Variants in MICU1 observed in about 807,000 individuals in gnomAD.
The protein encoded by MICU1 is mitochondrial calcium uptake 1.
MICU1 carries 45 observed loss-of-function variants against 56.8 expected under a neutral mutation model. The observed-to-expected ratio is 0.79, with a 90% CI of 0.62 to 1.02. MICU1 has a LOEUF of 1.02. MICU1 is among the 50% of genes least tolerant of loss of function. The pLI, the probability that MICU1 is intolerant of heterozygous loss-of-function variation, is 0.00. For missense variants in MICU1, 504 were observed against 587.1 expected (o/e 0.86, Z 1.46); for synonymous variants, 186 against 195.1 (o/e 0.95, Z 0.39).
intron 1 of MICU1, among the ~76,000 whole-genome samples, chr10:72,616,389 C>T (rs193089570): frequency 1.3e-5 from 2 of 152,056 alleles, no homozygotes; most frequent in East Asian, 3.9e-4. Flanking sequence ...TAGGGCAAAA[C>T]CCTTAAGAGA....
intron 3 of MICU1, among the ~76,000 whole-genome samples, chr10:72,553,157 A>G (rs1840076614): frequency 6.6e-6 from 1 of 152,218 alleles, no homozygotes; most frequent in Non-Finnish European, 1.5e-5. Flanking sequence ...AGACATAGCT[A>G]CAAGTTTTGA....
At chr10:72,514,973 T>C (rs1243210330) in intron 5 of MICU1, among the ~76,000 whole-genome samples, 2 of 152,214 alleles carry the variant, frequency 1.3e-5, no homozygotes, top group African/African-American at 4.8e-5. Context: ...TAAATCTTTC[T>C]GACAAATGCT....
chr10:72,565,032 AC>A lies in MICU1; in HGVS notation c.161+1600del, dbSNP rs1840393152. Among the ~76,000 whole-genome samples the A allele has an allele frequency of 2.0e-5, 3 of 151,540 alleles. No homozygotes were observed. In the South Asian group the frequency reaches 6.3e-4, roughly 32 times the overall value. ...ATGGTGGCTCATGCCTGTAATCCCA[AC>A]ACTTTAGGAGGCTGAGGTGGGCAAG... On this transcript the variant is annotated intron_variant, in intron 2 of 11. Coordinates refer to ENST00000361114, the MANE Select transcript of MICU1 (RefSeq NM_001195518.2).
intron 5 of MICU1, among the ~76,000 whole-genome samples, chr10:72,527,366 TG>T (rs992179229): frequency 4.7e-5 from 7 of 150,420 alleles, no homozygotes; most frequent in Non-Finnish European, 7.4e-5. Flanking sequence ...CTTTTGTTTT[TG>T]TTTTGTTTTG....
At chr10:72,375,645 G>A in intron 11 of MICU1, 138 bp downstream of exon 11, 1 of 707,386 alleles carries the variant, frequency 1.4e-6, no homozygotes, top group Non-Finnish European at 2.2e-6. Context: ...AAGGGCTGAG[G>A]TGCTAATGTG....
At chr10:72,516,407 T>C (rs1867647412) in intron 5 of MICU1, among the ~76,000 whole-genome samples, 1 of 152,204 alleles carries the variant, frequency 6.6e-6, no homozygotes, top group South Asian at 2.1e-4. Flanking sequence ...TGATGATAGT[T>C]TCTTTTGCTG....
At chr10:72,623,708 C>T (rs748481530) in intron 1 of MICU1, among the ~76,000 whole-genome samples, 17 of 151,944 alleles carry the variant, frequency 1.1e-4, no homozygotes, top group Non-Finnish European at 1.9e-4. Flanking sequence ...AGATGTGGTG[C>T]CGCGCCTGTA....
Position 72,412,961 on chromosome 10 carries a change from C to T in MICU1, c.1072-4924G>A, listed in dbSNP as rs149590141. The stretch of plus-strand genomic sequence containing the variant: ...CCTGTAATCCCAGCACTTTGGGAGG[C>T]AAAGGCGGGCAGATCACTTGAGCCT... On this transcript the variant is annotated intron_variant, in intron 9 of 11. Transcript: ENST00000361114. Among the ~76,000 whole-genome samples the T allele has an allele frequency of 6.4e-3, 964 of 151,808 alleles. 8 individuals are homozygous for T. Among genetic ancestry groups the T allele is most frequent in the East Asian group, 0.034 (173 of 5,140 alleles).
intron 3 of MICU1, among the ~76,000 whole-genome samples, chr10:72,554,472 T>G (rs568359332): frequency 2.6e-5 from 4 of 152,340 alleles, no homozygotes; most frequent in African/African-American, 7.2e-5. Context: ...TGAATTGCAC[T>G]GAGAATAAGC....
intron 1 of MICU1, among the ~76,000 whole-genome samples, chr10:72,598,316 C>G (rs747443061): frequency 6.6e-6 from 1 of 151,800 alleles, no homozygotes; most frequent in Non-Finnish European, 1.5e-5. Context: ...ATTGCAGTGG[C>G]ATGATCTCGG....
At position 72,586,013 on chromosome 10, in the gene MICU1, CT is replaced by C. The variant is rs71021511; in HGVS notation, c.-1-19220del. ...GTTTTTATTTTTTCTTTTTTTTTTT[CT>C]TTTTTTTTTTTTTTTTTTGAGACAG... On this transcript the variant is annotated intron_variant, in intron 1 of 11. Coordinates refer to ENST00000361114, the MANE Select transcript of MICU1 (RefSeq NM_001195518.2). 9.9e-3 allele frequency among the ~76,000 whole-genome samples: 736 copies of C among 74,656 alleles called. 8 individuals are homozygous for C. Among genetic ancestry groups the C allele is most frequent in the East Asian group, 0.092 (210 of 2,280 alleles). 49.0% of individuals were successfully genotyped at this position (74,656 alleles called of 152,430 possible).
chr10:72,411,468 C>T (rs1863812174), intron 9 of MICU1, among the ~76,000 whole-genome samples: 2 of 152,002 alleles, frequency 1.3e-5, no homozygotes, highest in African/African-American at 4.8e-5. Flanking sequence ...GCTGGGACTA[C>T]AGGCGCCCAC....
intron 1 of MICU1, among the ~76,000 whole-genome samples, chr10:72,574,398 A>G (rs959915667): frequency 6.6e-6 from 1 of 152,160 alleles, no homozygotes; most frequent in Admixed American, 6.6e-5. Flanking sequence ...ACATGCCTGT[A>G]ATCCCAGCTA....
intron 6 of MICU1, among the ~76,000 whole-genome samples, chr10:72,485,300 T>C (rs1197052332): frequency 6.6e-6 from 1 of 152,034 alleles, no homozygotes. Context: ...CTGGTCTCGA[T>C]TTCCTGGGCT....
At chr10:72,571,996 A>C (rs1260093170) in intron 1 of MICU1, among the ~76,000 whole-genome samples, 1 of 151,628 alleles carries the variant, frequency 6.6e-6, no homozygotes, top group Non-Finnish European at 1.5e-5. Flanking sequence ...AATAACAACA[A>C]CACTAGGTAC....
At chr10:72,423,432 C>A (rs754203008) in intron 8 of MICU1, 61 bp from the exon 9 acceptor site, 4 of 1,564,538 alleles carry the variant, frequency 2.6e-6, no homozygotes, top group African/African-American at 2.7e-5. Context: ...ACGTGGAACA[C>A]GGAATGATCA....
At chr10:72,607,692 A>C (rs1373400058) in intron 1 of MICU1, among the ~76,000 whole-genome samples, 1 of 151,740 alleles carries the variant, frequency 6.6e-6, no homozygotes. Flanking sequence ...TGCCTTCTTG[A>C]GTCCTGTGAG....
At chr10:72,604,271 C>CT (rs869141348) in intron 1 of MICU1, among the ~76,000 whole-genome samples, 6,834 of 128,702 alleles carry the variant, frequency 0.053, 248 homozygotes, top group African/African-American at 0.068. Context: ...CTTTCCTGCC[C>CT]TTTTTTTTTT....
chr10:72,534,932 G>T (rs1386544017), intron 4 of MICU1, among the ~76,000 whole-genome samples: 6 of 151,702 alleles, frequency 4.0e-5, no homozygotes, highest in Admixed American at 3.9e-4. Context: ...ATCAGAACAG[G>T]CTTCTGATAA....
Sources: allele counts gnomAD v4.1 joint callset (sites outside exome capture counted in the v4.1 genomes callset), GRCh38; gene constraint gnomAD v4.1.1; transcripts MANE v1.5; gene names NCBI Gene and HGNC (gene_info 2026-07-23, HGNC 2026-07-21).